The following KLF8 variants were observed in gnomAD, a reference collection of about 807,000 sequenced individuals.
KLF8 encodes KLF transcription factor 8.
Under a neutral mutation model 18.2 loss-of-function variants are expected in KLF8, and 10 were observed. The ratio of observed to expected loss-of-function variants is 0.55; its 90% confidence interval spans 0.34 to 0.93. The LOEUF is 0.93. KLF8 is among the 40% of genes least tolerant of loss of function. KLF8 has a pLI of 0.02. For missense variants in KLF8, 264 were observed against 277.9 expected (o/e 0.95, Z 0.36); for synonymous variants, 109 against 97.3 (o/e 1.12, Z -0.71).
At chrX:56,173,315 T>G in the KLF8 span, among the ~76,000 whole-genome samples, 1 of 112,198 alleles carries the variant, frequency 8.9e-6, no homozygotes, top group Non-Finnish European at 1.9e-5. Context: ...GCTTTCTACA[T>G]ATGGCTAGCC....
chrX:56,254,057 A>G (rs2066755304), intron 2 of KLF8, among the ~76,000 whole-genome samples: 1 of 110,574 alleles, frequency 9.0e-6, no homozygotes, highest in Non-Finnish European at 1.9e-5. Flanking sequence ...CAATCTGACA[A>G]AGCAACACTT....
the KLF8 span, among the ~76,000 whole-genome samples, chrX:56,136,716 G>A: frequency 7.2e-5 from 8 of 110,856 alleles, no homozygotes; most frequent in Non-Finnish European, 9.5e-5. Flanking sequence ...TGTCTAAAAC[G>A]CCAAAAGCAA....
chrX:56,071,123 A>C, the KLF8 span, among the ~76,000 whole-genome samples: 1 of 111,799 alleles, frequency 8.9e-6, no homozygotes, highest in Non-Finnish European at 1.9e-5. Flanking sequence ...AGCTCATAGG[A>C]TTGTAATAAC....
the KLF8 span, among the ~76,000 whole-genome samples, chrX:56,164,729 C>CTTTTTTTTT: frequency 1.9e-5 from 1 of 51,903 alleles, no homozygotes; most frequent in Middle Eastern, 0.014. Flanking sequence ...CTTGTTATCT[C>CTTTTTTTTT]TTTTTTTTTT....
At chrX:56,192,112 C>T in the KLF8 span, among the ~76,000 whole-genome samples, 1 of 111,737 alleles carries the variant, frequency 8.9e-6, no homozygotes, top group East Asian at 2.8e-4. Context: ...AACTGATAAA[C>T]AAATTCAGTA....
chrX:56,150,032 T>A, the KLF8 span, among the ~76,000 whole-genome samples: 2 of 112,333 alleles, frequency 1.8e-5, no homozygotes, highest in South Asian at 7.4e-4. Context: ...TCTACTTGAA[T>A]GTTGGGCAGG....
chrX:56,182,808 G>T, the KLF8 span, among the ~76,000 whole-genome samples: 1 of 112,547 alleles, frequency 8.9e-6, no homozygotes, highest in African/African-American at 3.2e-5. Context: ...AGCAAATGTT[G>T]CTGCCTGTTC....
chrX:56,198,813 G>A, the KLF8 span, among the ~76,000 whole-genome samples: 2 of 111,892 alleles, frequency 1.8e-5, no homozygotes, highest in Non-Finnish European at 1.9e-5. Context: ...CAAAGCTGGA[G>A]GCATCATGCT....
chrX:56,247,493 G>A (rs2066638060), intron 1 of KLF8, among the ~76,000 whole-genome samples: 1 of 111,780 alleles, frequency 8.9e-6, no homozygotes, highest in African/African-American at 3.2e-5. Flanking sequence ...ATTAACCTTA[G>A]CTTACTATAA....
At chrX:56,082,036 C>T in the KLF8 span, among the ~76,000 whole-genome samples, 507 of 111,196 alleles carry the variant, frequency 4.6e-3, 17 homozygotes, top group East Asian at 0.12. Flanking sequence ...AGTGTTGATT[C>T]TCTTTAAATG....
At chrX:56,209,606 G>C in the KLF8 span, among the ~76,000 whole-genome samples, 1 of 111,778 alleles carries the variant, frequency 8.9e-6, no homozygotes, top group Non-Finnish European at 1.9e-5. Context: ...GTGACAGAGG[G>C]AGATTCCATC....
the KLF8 span, among the ~76,000 whole-genome samples, chrX:56,169,984 C>G: frequency 1.8e-5 from 2 of 111,063 alleles, no homozygotes; most frequent in African/African-American, 6.5e-5. Flanking sequence ...GCAGGTGGAT[C>G]AGAACAAAGA....
chrX:55,913,129 T>A, the KLF8 span, among the ~76,000 whole-genome samples: 1 of 112,232 alleles, frequency 8.9e-6, no homozygotes, highest in Non-Finnish European at 1.9e-5. Context: ...TCACTGAAAC[T>A]GTTCTTGCCA....
the KLF8 span, among the ~76,000 whole-genome samples, chrX:56,087,074 T>A: frequency 9.0e-6 from 1 of 111,151 alleles, no homozygotes; most frequent in South Asian, 3.8e-4. Flanking sequence ...GAGGTGAGAA[T>A]TAAGTAGAGG....
the KLF8 span, among the ~76,000 whole-genome samples, chrX:56,190,080 C>A: frequency 1.8e-5 from 2 of 110,164 alleles, no homozygotes; most frequent in African/African-American, 6.6e-5. Flanking sequence ...TTGTTACCTG[C>A]AAGAATCACA....
chrX:55,922,196 C>G, the KLF8 span, among the ~76,000 whole-genome samples: 4 of 112,629 alleles, frequency 3.6e-5, no homozygotes, highest in Non-Finnish European at 5.6e-5. Context: ...TTCACAATAG[C>G]AAAGACATGG....
At chrX:55,991,265 G>C in the KLF8 span, among the ~76,000 whole-genome samples, 14 of 112,118 alleles carry the variant, frequency 1.2e-4, no homozygotes, top group African/African-American at 4.5e-4. Context: ...TGCTGTGCTA[G>C]CAATGAGCGA....
intron 2 of KLF8, among the ~76,000 whole-genome samples, chrX:56,259,933 G>A (rs774053728): frequency 1.8e-5 from 2 of 111,713 alleles, no homozygotes; most frequent in Admixed American, 1.9e-4. Flanking sequence ...CAAGAGAAAT[G>A]TGTTCTCTCA....
the KLF8 span, among the ~76,000 whole-genome samples, chrX:56,038,548 CA>C: frequency 2.7e-5 from 3 of 112,560 alleles, no homozygotes; most frequent in African/African-American, 9.7e-5. Flanking sequence ...AACATGATCT[CA>C]TTACCTTTTA....
Sources: gnomAD v4.1 joint callset for allele counts (sites outside exome capture counted in the v4.1 genomes callset) on GRCh38, gnomAD v4.1.1 for gene constraint, MANE v1.5 for transcripts, NCBI Gene and HGNC (gene_info 2026-07-23, HGNC 2026-07-21) for gene names.